The following SLIT2 variants were observed in gnomAD, a reference collection of about 807,000 sequenced individuals.
SLIT2 encodes slit homolog 2 protein.
Under a neutral mutation model 185.7 loss-of-function variants are expected in SLIT2, and 41 were observed. That is an observed-to-expected ratio of 0.22 (90% CI 0.17 to 0.29). SLIT2 has a LOEUF of 0.29. Among genes scored for constraint, SLIT2 ranks in the 10% least tolerant of loss-of-function variants. The pLI is 1.00. For missense variants in SLIT2, 1,571 were observed against 1,909.0 expected (o/e 0.82, Z 3.30); for synonymous variants, 693 against 680.2 (o/e 1.02, Z -0.29).
chr4:20,314,304 G>A (rs1560308938), intron 4 of SLIT2, among the ~76,000 whole-genome samples: 1 of 152,164 alleles, frequency 6.6e-6, no homozygotes, highest in African/African-American at 2.4e-5. Flanking sequence ...CCAAATGATA[G>A]CAAAGTATGA....
In SLIT2 at chr4:20,488,731, C is replaced by T. The variant is rs1296070408; in HGVS notation, c.612-88C>T. 17 of 895,748 alleles carry T rather than the reference C, an allele frequency of 1.9e-5. No homozygotes were observed. In the East Asian group the frequency reaches 4.0e-4, roughly 21 times the overall value. The allele number at this position is 895,748 out of a possible 1,614,324, so 55.5% of individuals were successfully genotyped here. On this transcript the variant is annotated intron_variant, in intron 7 of 36. Coordinates refer to ENST00000504154, the MANE Select transcript of SLIT2 (RefSeq NM_004787.4). ...TATATTGGAATCTGCTTAGCTTTAT[C>T]TACTTCTATGTTAAGAAATACAGGT...
At position 20,500,469 on chromosome 4, in the gene SLIT2, C is replaced by T. The variant is rs188624884; in HGVS notation, c.914+8570C>T. Among the ~76,000 whole-genome samples the T allele has an allele frequency of 1.2e-3, 183 of 152,228 alleles. 2 individuals are homozygous for T. Among genetic ancestry groups the T allele is most frequent in the African/African-American group, 4.2e-3 (174 of 41,570 alleles). On this transcript the variant is annotated intron_variant, in intron 9 of 36. Coordinates refer to ENST00000504154, the MANE Select transcript of SLIT2 (RefSeq NM_004787.4). ...CTAGCCTACAACATTACTTTCACTT[C>T]ACATTTTATGTTTTTATAACTTTGT... is the stretch of plus-strand genomic sequence containing the variant.
At chr4:20,603,337 A>G (rs1293280371) in intron 33 of SLIT2, among the ~76,000 whole-genome samples, 1 of 152,196 alleles carries the variant, frequency 6.6e-6, no homozygotes, top group African/African-American at 2.4e-5. Flanking sequence ...ACGGGGAATT[A>G]TGGGAACTAC....
intron 25 of SLIT2, among the ~76,000 whole-genome samples, chr4:20,551,710 A>G (rs1054773354): frequency 2.6e-5 from 4 of 152,142 alleles, no homozygotes; most frequent in Non-Finnish European, 5.9e-5. Flanking sequence ...CCAGTTTCCT[A>G]GAAGAGATTG....
At chr4:20,262,617 C>A (rs927965027) in intron 3 of SLIT2, among the ~76,000 whole-genome samples, 1 of 151,874 alleles carries the variant, frequency 6.6e-6, no homozygotes, top group Non-Finnish European at 1.5e-5. Flanking sequence ...TCATGGCAGT[C>A]ATTTTCTTGG....
intron 4 of SLIT2, among the ~76,000 whole-genome samples, chr4:20,410,022 G>T (rs777936473): frequency 6.6e-6 from 1 of 152,020 alleles, no homozygotes; most frequent in Non-Finnish European, 1.5e-5. Flanking sequence ...TAGGTTGTCT[G>T]TTCACTCTGT....
chr4:20,276,013 AATAAT>A (rs1016849577), intron 4 of SLIT2, among the ~76,000 whole-genome samples: 5 of 152,110 alleles, frequency 3.3e-5, no homozygotes, highest in African/African-American at 1.2e-4. Context: ...TATTTTTTAA[AATAAT>A]ATAAGATTAC....
chr4:20,299,310 A>G (rs758203148), intron 4 of SLIT2, among the ~76,000 whole-genome samples: 6 of 152,214 alleles, frequency 3.9e-5, no homozygotes, highest in Admixed American at 6.5e-5. Flanking sequence ...ATATATTTAT[A>G]TATCAACAAG....
chr4:20,273,456 A>G (rs1217481082), intron 4 of SLIT2, among the ~76,000 whole-genome samples: 1 of 151,990 alleles, frequency 6.6e-6, no homozygotes, highest in African/African-American at 2.4e-5. Flanking sequence ...GCTCTCATCA[A>G]GTGTTTGATG....
chr4:20,430,111 G>A (rs1231931348), intron 4 of SLIT2, among the ~76,000 whole-genome samples: 7 of 152,100 alleles, frequency 4.6e-5, no homozygotes, highest in Admixed American at 3.3e-4. Context: ...AGTCCAGGAA[G>A]TACATTGTAA....
intron 21 of SLIT2, among the ~76,000 whole-genome samples, chr4:20,543,273 C>T (rs557647863): frequency 3.3e-5 from 5 of 152,058 alleles, no homozygotes; most frequent in Non-Finnish European, 7.4e-5. Context: ...TATTTAACCA[C>T]AAATTATATG....
Position 20,528,520 on chromosome 4 carries a change from TA to T in SLIT2, c.1463-425del. The T allele has an allele frequency of 2.8e-6, 1 of 353,954 alleles. No individual in the cohort carries two copies. 21.9% of individuals were successfully genotyped at this position (353,954 alleles called of 1,614,324 possible). A position where few individuals can be genotyped will look rare whatever the true frequency, so the allele number is the denominator to read the frequency against. On this transcript the variant is annotated intron_variant, in intron 15 of 36. Transcript: ENST00000504154. The surrounding 1 kb of genome is among the most constrained non-coding windows in gnomAD (Gnocchi z 4.2). ...AATAGTAAAAAGTCCATAGAAAATT[TA>T]AAAGCCTGAGTATATCTATTTGCCT...
chr4:20,462,915 A>G (rs532108537), intron 4 of SLIT2, among the ~76,000 whole-genome samples: 2 of 152,298 alleles, frequency 1.3e-5, no homozygotes, highest in Admixed American at 1.3e-4. Flanking sequence ...CACATAAAAG[A>G]GTCTCCAAGT....
chr4:20,412,030 G>T (rs147782092), intron 4 of SLIT2, among the ~76,000 whole-genome samples: 7 of 151,840 alleles, frequency 4.6e-5, no homozygotes, highest in African/African-American at 1.7e-4. Flanking sequence ...ATATTCTTTC[G>T]TTTTATACTA....
intron 16 of SLIT2, among the ~76,000 whole-genome samples, chr4:20,530,503 G>A (rs768949889): frequency 5.3e-5 from 8 of 151,970 alleles, no homozygotes; most frequent in Non-Finnish European, 1.0e-4. Flanking sequence ...GGCTGGTCTT[G>A]AACTCCTGAG....
At chr4:20,447,261 G>A (rs1711915704) in intron 4 of SLIT2, among the ~76,000 whole-genome samples, 1 of 152,140 alleles carries the variant, frequency 6.6e-6, no homozygotes, top group Admixed American at 6.5e-5. Flanking sequence ...TGTCAGATGG[G>A]AAGGAAGCAG....
At chr4:20,386,842 G>A (rs1724972294) in intron 4 of SLIT2, among the ~76,000 whole-genome samples, 2 of 152,170 alleles carry the variant, frequency 1.3e-5, no homozygotes, top group Admixed American at 6.5e-5. Flanking sequence ...CTGGAAGAAC[G>A]GAATTGTAGC....
chr4:20,553,312 A>G (rs1357016322), intron 25 of SLIT2, among the ~76,000 whole-genome samples: 1 of 152,170 alleles, frequency 6.6e-6, no homozygotes, highest in South Asian at 2.1e-4. Context: ...TACTTCTCCT[A>G]CATCACTTCT....
rs536408433 is a variant in SLIT2 at position 20,252,511 on chromosome 4, G to A, written c.-1305G>A. Among the ~76,000 whole-genome samples the A allele has an allele frequency of 7.6e-4, 116 of 152,338 alleles. No individual in the cohort carries two copies. Among genetic ancestry groups the A allele is most frequent in the African/African-American group, 2.7e-3 (113 of 41,590 alleles). On this transcript the variant is annotated 5_prime_UTR_variant, in exon 1 of 37. Transcript: ENST00000504154. ...GCAGGGGTACCGCCACTGTGGCCTT[G>A]GGGGACGGAATTCAAAGCCTGGGAA...
Sources: allele counts gnomAD v4.1 joint callset (sites outside exome capture counted in the v4.1 genomes callset), GRCh38; gene constraint gnomAD v4.1.1; non-coding constraint Gnocchi (gnomAD v3.1); transcripts MANE v1.5; gene names NCBI Gene and HGNC (gene_info 2026-07-23, HGNC 2026-07-21).